Variants in FGD4 observed in about 807,000 individuals in gnomAD.
FGD4 encodes the protein FYVE, RhoGEF and PH domain containing 4, also known as FYVE, RhoGEF and PH domain-containing protein 4.
In FGD4, 42 loss-of-function variants were observed where a neutral mutation model predicts 102.0. That is an observed-to-expected ratio of 0.41 (90% CI 0.32 to 0.53). FGD4 has a LOEUF of 0.53. FGD4 is among the 20% of genes least tolerant of loss of function. The probability of loss-of-function intolerance (pLI) is 0.21; values close to 1 mark genes in which losing one functional copy is unlikely to be tolerated. For synonymous variants in FGD4, 380 were observed against 375.7 expected, an observed-to-expected ratio of 1.01 and a Z score of -0.13; for missense variants, 902 against 1,078.2, an observed-to-expected ratio of 0.84 and a Z score of 2.29.
In FGD4 at chr12:32,611,194, G is replaced by A. The variant is rs1471424774; in HGVS notation, c.1660G>A (p.Val554Ile). The A allele has an allele frequency of 6.2e-7, 1 of 1,614,182 alleles. No homozygotes were observed. Among genetic ancestry groups the A allele is most frequent in the Non-Finnish European group, 8.5e-7 (1 of 1,180,020 alleles). Residue 554 changes from valine to isoleucine, a missense_variant, in exon 10 of 17, where the codon GTA (valine) becomes ATA (isoleucine). Coordinates refer to ENST00000534526, the MANE Select transcript of FGD4 (RefSeq NM_001370298.3). ...AATGTTGGGAGAAGAAGAAGACATT[G>A]TAAACCCTTCAAATGAACTAATAAA... ...YEMLGEEEDI[V>I]NPSNELIKEG...
chr12:32,493,249 A>G (rs1944174198), intron 1 of FGD4, among the ~76,000 whole-genome samples: 1 of 152,174 alleles, frequency 6.6e-6, no homozygotes, highest in South Asian at 2.1e-4. Flanking sequence ...TTAGTTTTTT[A>G]AATGTTTCAC....
intron 3 of FGD4, among the ~76,000 whole-genome samples, chr12:32,581,755 C>T (rs1946634733): frequency 1.3e-5 from 2 of 152,064 alleles, no homozygotes; most frequent in Non-Finnish European, 2.9e-5. Flanking sequence ...GGGTCATCTT[C>T]TTTATTTAAA....
rs1264696974 is a variant in FGD4, at chr12:32,399,809, G to A, written c.16G>A (p.Gly6Ser). The A allele has an allele frequency of 2.0e-6, 3 of 1,531,078 alleles. No homozygotes were observed. The highest frequency in any genetic ancestry group is 1.4e-5 in the African/African-American group (1 of 72,284). The allele number at this position is 1,531,078 out of a possible 1,614,324, so 94.8% of individuals were successfully genotyped here. The change falls in exon 1 of 17, where the codon GGC becomes AGC. Residue 6 changes from glycine (G) to serine (S), a missense_variant. Gly to Ser is a moderately conservative substitution (Grantham distance 56). Transcript: ENST00000534526. MSDEGGSNFRRVAIRR... is the reference protein window; with the variant it reads MSDEGSSNFRRVAIRR... ...GCCCGGCAGGATGAGCGACGAGGGCGGCTCCAACTTCAGGCGGGTGGCGAT... is the reference window on the plus strand; with the variant it reads ...GCCCGGCAGGATGAGCGACGAGGGCAGCTCCAACTTCAGGCGGGTGGCGAT...
chr12:32,540,981 T>C (rs1341200504), intron 1 of FGD4, among the ~76,000 whole-genome samples: 4 of 152,212 alleles, frequency 2.6e-5, no homozygotes, highest in Non-Finnish European at 5.9e-5. Flanking sequence ...ATTGAATGAA[T>C]AAAATAGTCA....
chr12:32,456,585 A>G (rs1942954437), intron 1 of FGD4, among the ~76,000 whole-genome samples: 1 of 152,178 alleles, frequency 6.6e-6, no homozygotes, highest in African/African-American at 2.4e-5. Context: ...TATTAATGAG[A>G]TTGATGCTGC....
At position 32,625,791 on chromosome 12, in the gene FGD4, T is replaced by G. The variant is rs945554080; in HGVS notation, c.2172+12T>G. On this transcript the variant is annotated intron_variant, in intron 14 of 16. Transcript: ENST00000534526. ...GAGCATGTGGATATGTAAGTGAGAT[T>G]TCTTGATCATTAAGGTTGCTAGTAA... 12 of 1,613,710 alleles carry G rather than the reference T, an allele frequency of 7.4e-6. No individual in the cohort carries two copies. The highest frequency in any genetic ancestry group is 5.0e-5 in the Admixed American group (3 of 59,984).
In FGD4 at chr12:32,581,868, G is replaced by A. The variant is rs986795702; in HGVS notation, c.504-92G>A. The A allele has an allele frequency of 4.4e-5, 63 of 1,418,314 alleles. 2 individuals carry two copies. Among genetic ancestry groups the A allele is most frequent in the South Asian group, 3.2e-4 (26 of 81,238 alleles). 87.9% of individuals were successfully genotyped at this position (1,418,314 alleles called of 1,614,324 possible). A position where few individuals can be genotyped will look rare whatever the true frequency, so the allele number is the denominator to read the frequency against. ...ATCAGAGATAGAAAAAAAAAGTAGC[G>A]AATATCCCTTTTCAACTGGAATAAA... On this transcript the variant is annotated intron_variant, in intron 3 of 16. Coordinates refer to ENST00000534526, the MANE Select transcript of FGD4 (RefSeq NM_001370298.3).
intron 16 of FGD4, 151 bp from the exon 17 acceptor site, chr12:32,640,125 T>C: frequency 1.7e-6 from 2 of 1,157,434 alleles, no homozygotes; most frequent in South Asian, 2.6e-5. Context: ...GGCTCTGTAC[T>C]AAGCAATGGG....
chr12:32,572,592 A>G (rs1945761761), intron 2 of FGD4, among the ~76,000 whole-genome samples: 1 of 152,256 alleles, frequency 6.6e-6, no homozygotes. Context: ...GACTGATAAT[A>G]AACTGCATCC....
intron 1 of FGD4, among the ~76,000 whole-genome samples, chr12:32,445,030 C>T (rs1175293818): frequency 1.3e-5 from 2 of 152,086 alleles, no homozygotes; most frequent in Non-Finnish European, 2.9e-5. Context: ...AGATATGTAC[C>T]TTCCTGTAAC....
At chr12:32,584,226 A>G (rs1946830922) in intron 4 of FGD4, among the ~76,000 whole-genome samples, 2 of 152,182 alleles carry the variant, frequency 1.3e-5, no homozygotes, top group South Asian at 2.1e-4. Context: ...TGCGAACACC[A>G]CATCTCTCCT....
chr12:32,480,172 TTG>T (rs752462778), intron 1 of FGD4, among the ~76,000 whole-genome samples: 5,288 of 150,058 alleles, frequency 0.035, 119 homozygotes, highest in Middle Eastern at 0.11. Flanking sequence ...TTTGTTTTTT[TTG>T]TTTTGAGACT....
chr12:32,562,315 ACT>A (rs1229641410), intron 1 of FGD4, among the ~76,000 whole-genome samples: 3 of 151,694 alleles, frequency 2.0e-5, no homozygotes, highest in Non-Finnish European at 2.9e-5. Flanking sequence ...TCCCAGGAAA[ACT>A]CTTTGTCAAG....
rs115382050 is a variant in FGD4 at position 32,621,632 on chromosome 12, C to G, written c.1922+1762C>G. Among the ~76,000 whole-genome samples, 1,237 of 152,318 alleles carry G rather than the reference C, an allele frequency of 8.1e-3. 12 individuals are homozygous for G. Among genetic ancestry groups the G allele is most frequent in the African/African-American group, 0.029 (1,202 of 41,558 alleles). On this transcript the variant is annotated intron_variant, in intron 11 of 16. Transcript: ENST00000534526. ...TGAATTTACAGTTTTGGAATGTGGG[C>G]AGGCTGGGAAAGTTTGAAGAAACAG...
chr12:32,638,283 T>C (rs1950966830), intron 15 of FGD4, among the ~76,000 whole-genome samples: 2 of 152,186 alleles, frequency 1.3e-5, no homozygotes, highest in African/African-American at 4.8e-5. Context: ...ACTCTCTGGG[T>C]TCAAATCCCA....
At chr12:32,571,035 T>C (rs1945619141) in intron 2 of FGD4, among the ~76,000 whole-genome samples, 1 of 152,254 alleles carries the variant, frequency 6.6e-6, no homozygotes, top group African/African-American at 2.4e-5. Context: ...TCGGGTTCTT[T>C]CGTGTGTTTT....
intron 4 of FGD4, among the ~76,000 whole-genome samples, chr12:32,587,466 C>G (rs1947142284): frequency 6.6e-6 from 1 of 152,122 alleles, no homozygotes; most frequent in African/African-American, 2.4e-5. Flanking sequence ...TCTCGGCTCA[C>G]TACAACCTCC....
chr12:32,430,301 C>G (rs540123013), intron 1 of FGD4, among the ~76,000 whole-genome samples: 1 of 151,482 alleles, frequency 6.6e-6, no homozygotes, highest in East Asian at 1.9e-4. Flanking sequence ...AAGTGAGACT[C>G]TGTCTCAAAA....
intron 1 of FGD4, among the ~76,000 whole-genome samples, chr12:32,538,252 T>C (rs1405635647): frequency 6.6e-6 from 1 of 152,192 alleles, no homozygotes; most frequent in African/African-American, 2.4e-5. Flanking sequence ...TTTGTTGTGG[T>C]GTTCACTGCT....
Sources: allele counts gnomAD v4.1 joint callset (sites outside exome capture counted in the v4.1 genomes callset), GRCh38; gene constraint gnomAD v4.1.1; transcripts MANE v1.5; gene names NCBI Gene and HGNC (gene_info 2026-07-23, HGNC 2026-07-21).